Variants in HAVCR1 observed in about 807,000 individuals in gnomAD.
HAVCR1 encodes the protein hepatitis A virus cellular receptor 1.
In HAVCR1, 34 loss-of-function variants were observed where a neutral mutation model predicts 32.0. The ratio of observed to expected loss-of-function variants is 1.06; its 90% confidence interval spans 0.81 to 1.42. HAVCR1 has a LOEUF of 1.42. Among genes scored for constraint, HAVCR1 ranks in the 40% most tolerant of loss-of-function variants. HAVCR1 has a pLI of 0.00. For synonymous variants in HAVCR1, 178 were observed against 170.3 expected (o/e 1.05, Z -0.35); for missense variants, 420 against 442.3 (o/e 0.95, Z 0.45).
intron 5 of HAVCR1, among the ~76,000 whole-genome samples, chr5:157,043,986 C>A (rs556031361): frequency 7.9e-4 from 121 of 152,246 alleles, no homozygotes; most frequent in African/African-American, 2.7e-3. Flanking sequence ...AATATCTCCC[C>A]AACATTTACA....
Position 157,029,645 on chromosome 5 carries a change from C to T in HAVCR1, c.*88G>A, listed in dbSNP as rs1051537562. 1 of 1,583,800 alleles carries T rather than the reference C, an allele frequency of 6.3e-7. No homozygotes were observed. The highest frequency in any genetic ancestry group is 1.3e-5 in the African/African-American group (1 of 74,442). On this transcript the variant is annotated 3_prime_UTR_variant, in exon 9 of 9. Transcript: ENST00000523175. ...GATGAAACTGAAACAGAAAAATTGT[C>T]TTGGGGTCTAAAAGACGTCTGATGT... is the stretch of plus-strand genomic sequence containing the variant.
chr5:157,038,682 A>G (rs935007649), intron 6 of HAVCR1, among the ~76,000 whole-genome samples: 5 of 152,168 alleles, frequency 3.3e-5, no homozygotes, highest in Non-Finnish European at 5.9e-5. Flanking sequence ...TGTTGTTATT[A>G]CTTTACCTAC....
chr5:157,063,545 A>G (rs1448383170), upstream of HAVCR1, among the ~76,000 whole-genome samples: 4 of 152,070 alleles, frequency 2.6e-5, no homozygotes, highest in East Asian at 7.8e-4. Flanking sequence ...TTGGCCTCCC[A>G]AAGTGCTGGG....
the HAVCR1 span, among the ~76,000 whole-genome samples, chr5:157,066,055 TAA>T: frequency 1.6e-3 from 107 of 66,908 alleles, 1 homozygote; most frequent in South Asian, 0.021. Context: ...GACTCCGTCT[TAA>T]AAAAAAAAAA....
chr5:157,034,626 G>A (rs1180102907), intron 7 of HAVCR1, among the ~76,000 whole-genome samples: 2 of 151,930 alleles, frequency 1.3e-5, no homozygotes, highest in East Asian at 1.9e-4. Context: ...CATATCTCGG[G>A]CTGTCTCAGT....
chr5:157,040,069 C>T (rs79199604), intron 6 of HAVCR1, among the ~76,000 whole-genome samples: 1 of 152,294 alleles, frequency 6.6e-6, no homozygotes, highest in African/African-American at 2.4e-5. Context: ...AAGGCCAAGG[C>T]GGGTGGATCA....
At chr5:157,066,376 G>T in the HAVCR1 span, among the ~76,000 whole-genome samples, 1 of 152,012 alleles carries the variant, frequency 6.6e-6, no homozygotes, top group African/African-American at 2.4e-5. Flanking sequence ...TTGGACTTGA[G>T]TGCCTATAGT....
chr5:157,044,670 AAAGAAAGG>A (rs1755252385), intron 5 of HAVCR1, among the ~76,000 whole-genome samples: 1 of 80,548 alleles, frequency 1.2e-5, no homozygotes, highest in African/African-American at 3.3e-5. Context: ...AGAAAGAAAG[AAAGAAAGG>A]AGGGAGGGAG....
At chr5:157,049,280 G>T in intron 4 of HAVCR1, 135 bp from the exon 5 acceptor site, 1 of 668,478 alleles carries the variant, frequency 1.5e-6, no homozygotes, top group Non-Finnish European at 2.7e-6. Flanking sequence ...TCCACAGTGG[G>T]CATGCAGGGC....
At chr5:157,046,588 G>A (rs910274039) in intron 5 of HAVCR1, among the ~76,000 whole-genome samples, 4 of 152,168 alleles carry the variant, frequency 2.6e-5, no homozygotes. Flanking sequence ...TGTTCAGGCT[G>A]CTATGATAAG....
the HAVCR1 span, among the ~76,000 whole-genome samples, chr5:157,068,459 CT>C: frequency 2.6e-5 from 4 of 151,320 alleles, no homozygotes; most frequent in South Asian, 4.2e-4. Flanking sequence ...TGGTGATGCA[CT>C]CCTGTAGTCC....
upstream of HAVCR1, among the ~76,000 whole-genome samples, chr5:157,063,184 AT>A (rs1257690529): frequency 9.5e-4 from 140 of 147,384 alleles, 1 homozygote; most frequent in Non-Finnish European, 6.0e-5. Flanking sequence ...AAGTGTACTC[AT>A]TTAACAATTA....
chr5:157,030,621 C>G (rs1273497631), intron 8 of HAVCR1, among the ~76,000 whole-genome samples: 2 of 152,138 alleles, frequency 1.3e-5, no homozygotes, highest in Non-Finnish European at 2.9e-5. Context: ...CCACTGCACT[C>G]CAGCCTGGGC....
chr5:157,039,712 C>T (rs374594166), intron 6 of HAVCR1, among the ~76,000 whole-genome samples: 4 of 152,300 alleles, frequency 2.6e-5, no homozygotes, highest in African/African-American at 9.6e-5. Context: ...TACTATTAAA[C>T]ATTTAGGTTG....
chr5:157,043,491 A>T (rs1445089719), intron 5 of HAVCR1, among the ~76,000 whole-genome samples: 1 of 152,180 alleles, frequency 6.6e-6, no homozygotes, highest in Non-Finnish European at 1.5e-5. Flanking sequence ...ACATAGTGAA[A>T]TCCCATCTCT....
At chr5:157,049,333 T>C (rs1055771625) in intron 4 of HAVCR1, among the ~76,000 whole-genome samples, 188 bp from the exon 5 acceptor site, 1 of 152,224 alleles carries the variant, frequency 6.6e-6, no homozygotes, top group Non-Finnish European at 1.5e-5. Flanking sequence ...CTCTTAGAAA[T>C]GTATTCAAAG....
chr5:157,041,521 A>C (rs1754895428), intron 6 of HAVCR1, among the ~76,000 whole-genome samples: 1 of 152,146 alleles, frequency 6.6e-6, no homozygotes, highest in Non-Finnish European at 1.5e-5. Context: ...GAAAGAAAGA[A>C]TAAAAAGTCA....
At chr5:157,033,374 GGTT>G (rs1284208061) in intron 7 of HAVCR1, among the ~76,000 whole-genome samples, 1 of 151,974 alleles carries the variant, frequency 6.6e-6, no homozygotes, top group South Asian at 2.1e-4. Flanking sequence ...TATATTTTGA[GGTT>G]GTTAGGGCTC....
At chr5:157,047,531 TGACA>T in intron 5 of HAVCR1, among the ~76,000 whole-genome samples, 1 of 149,776 alleles carries the variant, frequency 6.7e-6, no homozygotes, top group East Asian at 2.0e-4. Flanking sequence ...GCCTGGGTGA[TGACA>T]GAGCAAGACT....
Sources: gnomAD v4.1 joint callset for allele counts (sites outside exome capture counted in the v4.1 genomes callset) on GRCh38, gnomAD v4.1.1 for gene constraint, MANE v1.5 for transcripts, NCBI Gene and HGNC (gene_info 2026-07-23, HGNC 2026-07-21) for gene names.